NOL4: variants seen among roughly 807,000 people sequenced by gnomAD.
NOL4 encodes cancer/testis antigen 125.
In NOL4, 17 loss-of-function variants were observed where a neutral mutation model predicts 75.9. That is an observed-to-expected ratio of 0.22 (90% CI 0.15 to 0.34). NOL4 has a LOEUF of 0.34. NOL4 is among the 10% of genes least tolerant of loss of function. NOL4 has a pLI of 1.00. For synonymous variants in NOL4, 292 were observed against 289.9 expected, an observed-to-expected ratio of 1.01 and a Z score of -0.07; for missense variants, 614 against 793.5, an observed-to-expected ratio of 0.77 and a Z score of 2.72.
At chr18:34,106,678 G>A (rs898782328) in intron 2 of NOL4, among the ~76,000 whole-genome samples, 2 of 151,376 alleles carry the variant, frequency 1.3e-5, no homozygotes, top group African/African-American at 2.4e-5. Flanking sequence ...ATATAATTTA[G>A]GTTCTCATTC....
intron 4 of NOL4, among the ~76,000 whole-genome samples, chr18:34,098,195 C>A (rs1177659877): frequency 5.3e-5 from 8 of 152,028 alleles, no homozygotes; most frequent in Non-Finnish European, 2.9e-5. Flanking sequence ...TGAAACTAGG[C>A]TGGTTTTGTT....
chr18:34,199,158 T>G (rs1263919000), intron 1 of NOL4, among the ~76,000 whole-genome samples: 3 of 151,272 alleles, frequency 2.0e-5, no homozygotes, highest in African/African-American at 7.3e-5. Flanking sequence ...TTTTTTTTTT[T>G]TTTTGTATGT....
At chr18:34,033,938 A>T (rs1373006245) in intron 5 of NOL4, among the ~76,000 whole-genome samples, 1 of 152,174 alleles carries the variant, frequency 6.6e-6, no homozygotes, top group African/African-American at 2.4e-5. Flanking sequence ...TACTATACCC[A>T]GCAAAATTAA....
intron 1 of NOL4, among the ~76,000 whole-genome samples, chr18:34,139,445 A>G (rs2081046108): frequency 6.6e-6 from 1 of 151,876 alleles, no homozygotes; most frequent in Admixed American, 6.6e-5. Context: ...TTTCTTCTAG[A>G]TTTTCTAGTT....
At chr18:34,039,889 T>A (rs998884978) in intron 5 of NOL4, among the ~76,000 whole-genome samples, 4 of 151,974 alleles carry the variant, frequency 2.6e-5, no homozygotes, top group African/African-American at 9.7e-5. Context: ...CACTTTCAGC[T>A]CAGCATTCAA....
chr18:33,914,711 G>A (rs554838066), intron 9 of NOL4, among the ~76,000 whole-genome samples: 1 of 152,218 alleles, frequency 6.6e-6, no homozygotes, highest in East Asian at 1.9e-4. Flanking sequence ...AATGTGAAAA[G>A]AAGGGGGAAC....
At chr18:34,065,570 A>T (rs2077239063) in intron 5 of NOL4, among the ~76,000 whole-genome samples, 1 of 151,860 alleles carries the variant, frequency 6.6e-6, no homozygotes, top group Non-Finnish European at 1.5e-5. Flanking sequence ...TTGTGCTACT[A>T]GTAAGGATTC....
At chr18:33,863,067 T>A (rs184297662) in intron 10 of NOL4, among the ~76,000 whole-genome samples, 2 of 152,146 alleles carry the variant, frequency 1.3e-5, no homozygotes, top group Non-Finnish European at 2.9e-5. Flanking sequence ...GTGGCACATA[T>A]ACACCATGGA....
intron 6 of NOL4, among the ~76,000 whole-genome samples, chr18:33,972,816 T>C (rs1032567039): frequency 1.3e-5 from 2 of 152,236 alleles, no homozygotes; most frequent in Non-Finnish European, 2.9e-5. Context: ...TTAAAAATAC[T>C]CTATTTCTAA....
At chr18:34,047,115 T>A (rs1030681136) in intron 5 of NOL4, among the ~76,000 whole-genome samples, 1 of 152,124 alleles carries the variant, frequency 6.6e-6, no homozygotes, top group Non-Finnish European at 1.5e-5. Flanking sequence ...TTATCCAACA[T>A]TTTAATATAC....
intron 6 of NOL4, among the ~76,000 whole-genome samples, chr18:33,979,070 A>G (rs1030612492): frequency 1.3e-5 from 2 of 152,088 alleles, no homozygotes; most frequent in African/African-American, 4.8e-5. Flanking sequence ...TTACTTTGAC[A>G]TTTACTCTTG....
chr18:34,136,001 G>C (rs978707323), intron 1 of NOL4, among the ~76,000 whole-genome samples: 1 of 151,920 alleles, frequency 6.6e-6, no homozygotes, highest in South Asian at 2.1e-4. Context: ...AGTCAAGTAG[G>C]ATTATCCCAG....
chr18:34,076,334 C>A (rs576737763), intron 5 of NOL4, among the ~76,000 whole-genome samples: 1 of 152,086 alleles, frequency 6.6e-6, no homozygotes, highest in African/African-American at 2.4e-5. Flanking sequence ...CCATACGGAG[C>A]GGCCAGGAGG....
chr18:33,931,098 T>C (rs1341873661), intron 9 of NOL4, among the ~76,000 whole-genome samples: 1 of 152,170 alleles, frequency 6.6e-6, no homozygotes, highest in Non-Finnish European at 1.5e-5. Context: ...GAAAAATTTA[T>C]TTGACATAAC....
At chr18:33,920,218 G>A (rs1411650399) in intron 9 of NOL4, among the ~76,000 whole-genome samples, 1 of 152,032 alleles carries the variant, frequency 6.6e-6, no homozygotes, top group East Asian at 1.9e-4. Context: ...CAGAAGGAGA[G>A]AGAGGTCTAT....
At chr18:33,876,694 A>T (rs969228832) in intron 10 of NOL4, among the ~76,000 whole-genome samples, 58 of 152,130 alleles carry the variant, frequency 3.8e-4, no homozygotes, top group African/African-American at 1.3e-3. Flanking sequence ...AAGTCAGAAC[A>T]TTTGGAATTC....
chr18:34,178,519 C>T (rs1029526380), intron 1 of NOL4, among the ~76,000 whole-genome samples: 2 of 151,484 alleles, frequency 1.3e-5, no homozygotes, highest in Admixed American at 6.6e-5. Flanking sequence ...AAAACACATA[C>T]GCTGCAAAGG....
At chr18:33,947,713 C>T (rs1400089043) in intron 8 of NOL4, among the ~76,000 whole-genome samples, 2 of 151,782 alleles carry the variant, frequency 1.3e-5, no homozygotes, top group African/African-American at 4.8e-5. Context: ...TACCTACCCT[C>T]ATTAATTATC....
intron 6 of NOL4, among the ~76,000 whole-genome samples, chr18:33,972,893 C>T (rs1428135472): frequency 6.6e-6 from 1 of 152,176 alleles, no homozygotes; most frequent in Non-Finnish European, 1.5e-5. Flanking sequence ...GGTCTTGCCC[C>T]CATGTTGATG....
Sources: allele counts gnomAD v4.1 joint callset (sites outside exome capture counted in the v4.1 genomes callset), GRCh38; gene constraint gnomAD v4.1.1; transcripts MANE v1.5; gene names NCBI Gene and HGNC (gene_info 2026-07-23, HGNC 2026-07-21).